The following COL23A1 variants were observed in gnomAD, a reference collection of about 807,000 sequenced individuals.
COL23A1 encodes collagen alpha-1(XXIII) chain.
Under a neutral mutation model 99.3 loss-of-function variants are expected in COL23A1, and 97 were observed. That is an observed-to-expected ratio of 0.98 (90% CI 0.83 to 1.16). COL23A1 has a LOEUF of 1.16. COL23A1 is among the 50% of genes most tolerant of loss of function. The probability of loss-of-function intolerance (pLI) is 0.00; values close to 1 mark genes in which losing one functional copy is unlikely to be tolerated. For synonymous variants in COL23A1, 320 were observed against 308.2 expected, an observed-to-expected ratio of 1.04 and a Z score of -0.40; for missense variants, 762 against 757.4, an observed-to-expected ratio of 1.01 and a Z score of -0.07.
chr5:178,457,550 A>G (rs893629687), intron 2 of COL23A1, among the ~76,000 whole-genome samples: 2 of 152,098 alleles, frequency 1.3e-5, no homozygotes, highest in East Asian at 1.9e-4. Context: ...TTTCAATGTA[A>G]TCTTAATGTT....
At chr5:178,498,803 A>C (rs1172482456) in intron 2 of COL23A1, among the ~76,000 whole-genome samples, 1 of 152,126 alleles carries the variant, frequency 6.6e-6, no homozygotes. Context: ...TTAAAAGCAA[A>C]AAGTGGCTGG....
intron 2 of COL23A1, among the ~76,000 whole-genome samples, chr5:178,472,596 C>CAGCATCCATGGGTGCG (rs1756814776): frequency 1.3e-5 from 2 of 152,174 alleles, no homozygotes; most frequent in South Asian, 4.1e-4. Flanking sequence ...CCATGGGTGC[C>CAGCATCCATGGGTGCG]AGGTGCTTAT....
intron 2 of COL23A1, among the ~76,000 whole-genome samples, chr5:178,554,406 T>C (rs971598236): frequency 2.6e-5 from 4 of 152,198 alleles, no homozygotes; most frequent in Non-Finnish European, 5.9e-5. Flanking sequence ...CTCGAACTCC[T>C]GACCTGAGGT....
intron 3 of COL23A1, among the ~76,000 whole-genome samples, chr5:178,303,200 A>G (rs2127599878): frequency 6.6e-6 from 1 of 152,248 alleles, no homozygotes; most frequent in East Asian, 1.9e-4. Flanking sequence ...GGGTTTCACC[A>G]TGTTGGCCAG....
intron 2 of COL23A1, among the ~76,000 whole-genome samples, chr5:178,379,112 G>C (rs577874941): frequency 2.5e-4 from 38 of 152,194 alleles, no homozygotes; most frequent in African/African-American, 9.2e-4. Context: ...CACACGTCAA[G>C]CTCAAAGGGT....
intron 2 of COL23A1, among the ~76,000 whole-genome samples, chr5:178,491,817 CT>C (rs1473845611): frequency 1.3e-5 from 2 of 152,128 alleles, no homozygotes; most frequent in Non-Finnish European, 2.9e-5. Flanking sequence ...TCATAGCAAC[CT>C]CCGCCTCCCG....
intron 2 of COL23A1, among the ~76,000 whole-genome samples, chr5:178,473,693 C>G (rs1353286840): frequency 6.6e-6 from 1 of 152,030 alleles, no homozygotes; most frequent in Non-Finnish European, 1.5e-5. Flanking sequence ...ACTGACTATA[C>G]TGTTTCTACT....
intron 2 of COL23A1, among the ~76,000 whole-genome samples, chr5:178,325,549 T>G (rs1759601863): frequency 6.6e-6 from 1 of 151,940 alleles, no homozygotes; most frequent in African/African-American, 2.4e-5. Context: ...GGACATGGAC[T>G]TATGTCTTAG....
intron 2 of COL23A1, among the ~76,000 whole-genome samples, chr5:178,323,062 A>C (rs1019100318): frequency 5.9e-5 from 9 of 152,092 alleles, no homozygotes; most frequent in Middle Eastern, 3.4e-3. Flanking sequence ...GTGGGGTGGC[A>C]TGTGGCGCTG....
In COL23A1 at chr5:178,256,368, T is replaced by A; in HGVS notation, c.867A>T (p.Gly289=). 1 of 1,606,502 alleles carries A rather than the reference T, an allele frequency of 6.2e-7. No homozygotes were observed. The highest frequency in any genetic ancestry group is 8.5e-7 in the Non-Finnish European group (1 of 1,175,930). The change falls in exon 15 of 29, where the codon GGA becomes GGT. Residue 289 remains glycine, a synonymous_variant. Transcript: ENST00000390654. Reference sequence around the variant, plus strand: ...GGCAGCTTACCCGGGGCCCTGCAGCTCCATCCGTGCCTCGGTGGCCAGGCT... The same window carrying A: ...GGCAGCTTACCCGGGGCCCTGCAGCACCATCCGTGCCTCGGTGGCCAGGCT... ...KGEPGHRGTD[G]AAGPRGAPGL...
rs540170374 is a variant in COL23A1, at chr5:178,261,489, C to T, written c.702+233G>A. Among the ~76,000 whole-genome samples, 166 of 152,238 alleles carry T rather than the reference C, an allele frequency of 1.1e-3. 1 individual carries two copies. The highest frequency in any genetic ancestry group is 6.8e-3 in the Middle Eastern group (2 of 294). ...CTAATGTGTTTTATGATTCAACCCTCGCAACTCAGTGTGAAAAAGGCAGGA... is the reference window on the plus strand; with the variant it reads ...CTAATGTGTTTTATGATTCAACCCTTGCAACTCAGTGTGAAAAAGGCAGGA... On this transcript the variant is annotated intron_variant, in intron 11 of 28. Transcript: ENST00000390654.
At chr5:178,242,838 C>T (rs1764480988) in intron 25 of COL23A1, among the ~76,000 whole-genome samples, 1 of 152,176 alleles carries the variant, frequency 6.6e-6, no homozygotes, top group Non-Finnish European at 1.5e-5. Context: ...GTCCGTCCAC[C>T]CAACCAAGGT....
Position 178,384,298 on chromosome 5 carries a change from G to A in COL23A1, c.362-77379C>T, listed in dbSNP as rs1161267835. ...GTTCTCAAAACCTGGATCCGGCGAC[G>A]GAGGCCCGGCCTGGCCACTGCCTGG... On this transcript the variant is annotated intron_variant, in intron 2 of 28. Transcript: ENST00000390654. The surrounding 1 kb of genome is among the most constrained non-coding windows in gnomAD (Gnocchi z 5.5). Among the ~76,000 whole-genome samples, 1 of 152,236 alleles carries A rather than the reference G, an allele frequency of 6.6e-6. No homozygotes were observed. The highest frequency in any genetic ancestry group is 1.5e-5 in the Non-Finnish European group (1 of 68,036).
At chr5:178,282,038 C>G (rs1756927301) in intron 5 of COL23A1, among the ~76,000 whole-genome samples, 1 of 101,254 alleles carries the variant, frequency 9.9e-6, no homozygotes, top group East Asian at 2.3e-4. Flanking sequence ...GGCGACAGAG[C>G]AAGACACTGT....
intron 2 of COL23A1, among the ~76,000 whole-genome samples, chr5:178,536,704 G>A (rs1397076517): frequency 3.3e-5 from 5 of 152,118 alleles, no homozygotes; most frequent in South Asian, 2.1e-4. Context: ...ATCCCTATGC[G>A]GCTCGGTCCC....
chr5:178,391,410 TA>T (rs1222633069), intron 2 of COL23A1, among the ~76,000 whole-genome samples: 1 of 152,080 alleles, frequency 6.6e-6, no homozygotes, highest in African/African-American at 2.4e-5. Context: ...AAAAGACAAA[TA>T]GGCAGAGGAT....
chr5:178,483,269 G>C (rs1185962140), intron 2 of COL23A1, among the ~76,000 whole-genome samples: 1 of 151,982 alleles, frequency 6.6e-6, no homozygotes, highest in Non-Finnish European at 1.5e-5. Flanking sequence ...AATTACTGGG[G>C]AGATAAGTAT....
chr5:178,413,111 A>G (rs1765133406), intron 2 of COL23A1, among the ~76,000 whole-genome samples: 1 of 152,166 alleles, frequency 6.6e-6, no homozygotes, highest in Non-Finnish European at 1.5e-5. Flanking sequence ...TTAGCCCAAA[A>G]GTTCAAAGTT....
chr5:178,430,348 A>C (rs6601235), intron 2 of COL23A1, among the ~76,000 whole-genome samples: 13,936 of 152,244 alleles, frequency 0.092, 1,436 homozygotes, highest in East Asian at 0.36. Flanking sequence ...CAAGAATTCC[A>C]GAAACGGGTT....
Sources: gnomAD v4.1 joint callset for allele counts (sites outside exome capture counted in the v4.1 genomes callset) on GRCh38, gnomAD v4.1.1 for gene constraint, Gnocchi (gnomAD v3.1) non-coding constraint, MANE v1.5 for transcripts, NCBI Gene and HGNC (gene_info 2026-07-23, HGNC 2026-07-21) for gene names.